Variants in ROBO2 observed in about 807,000 individuals in gnomAD.
The protein encoded by ROBO2 is roundabout guidance receptor 2.
In ROBO2, 53 loss-of-function variants were observed where a neutral mutation model predicts 160.8. That is an observed-to-expected ratio of 0.33 (90% CI 0.26 to 0.41). The LOEUF (loss-of-function observed/expected upper bound fraction) is 0.41. Among genes scored for constraint, ROBO2 ranks in the 10% least tolerant of loss-of-function variants. The pLI is 1.00. For synonymous variants in ROBO2, 664 were observed against 611.7 expected (o/e 1.09, Z -1.26); for missense variants, 1,577 against 1,722.4 (o/e 0.92, Z 1.49).
At chr3:76,277,613 A>G (rs1399435881) in intron 2 of ROBO2, among the ~76,000 whole-genome samples, 1 of 151,964 alleles carries the variant, frequency 6.6e-6, no homozygotes, top group African/African-American at 2.4e-5. Context: ...GCCTTCAGCA[A>G]TTGACTTTGG....
At chr3:76,435,176 C>G (rs1677085904) in intron 2 of ROBO2, 11 of 1,079,798 alleles carry the variant, frequency 1.0e-5, no homozygotes, top group Non-Finnish European at 1.6e-5. Flanking sequence ...TGGAGATAAT[C>G]AACAGTAGGG....
chr3:77,334,442 T>C (rs1357724296), intron 2 of ROBO2, among the ~76,000 whole-genome samples: 1 of 152,248 alleles, frequency 6.6e-6, no homozygotes, highest in South Asian at 2.1e-4. Flanking sequence ...TTTTCTGGCC[T>C]GAAGAGAAAT....
chr3:76,662,789 T>A (rs2091881242), intron 2 of ROBO2, among the ~76,000 whole-genome samples: 1 of 152,022 alleles, frequency 6.6e-6, no homozygotes, highest in Non-Finnish European at 1.5e-5. Context: ...AGGAAAACAG[T>A]ATGGGCACTG....
At chr3:76,528,530 C>A (rs566810224) in intron 2 of ROBO2, among the ~76,000 whole-genome samples, 29 of 151,966 alleles carry the variant, frequency 1.9e-4, no homozygotes, top group Non-Finnish European at 3.8e-4. Flanking sequence ...TAGTTGACAA[C>A]TGAGTTGAGC....
intron 2 of ROBO2, among the ~76,000 whole-genome samples, chr3:76,450,810 T>C (rs2077436243): frequency 6.6e-6 from 1 of 152,204 alleles, no homozygotes; most frequent in Admixed American, 6.6e-5. Context: ...TTTCAGTGCT[T>C]TAAAAATATT....
At chr3:77,049,939 T>C (rs1369517272) in intron 1 of ROBO2, among the ~76,000 whole-genome samples, 4 of 152,188 alleles carry the variant, frequency 2.6e-5, no homozygotes, top group Non-Finnish European at 5.9e-5. Context: ...ATTTTGACTT[T>C]CCAAAAAACT....
chr3:76,178,014 TAAC>T (rs1328887165), intron 2 of ROBO2, among the ~76,000 whole-genome samples: 1 of 152,150 alleles, frequency 6.6e-6, no homozygotes, highest in African/African-American at 2.4e-5. Flanking sequence ...AAGGTCTGCC[TAAC>T]AACAAGCAAC....
intron 2 of ROBO2, among the ~76,000 whole-genome samples, chr3:77,391,890 C>T (rs536922067): frequency 2.0e-4 from 30 of 152,146 alleles, no homozygotes; most frequent in African/African-American, 7.2e-4. Flanking sequence ...AAGTGATGTA[C>T]TTTAGATGGT....
At chr3:76,101,246 T>C (rs1299860283) in intron 2 of ROBO2, among the ~76,000 whole-genome samples, 1 of 152,154 alleles carries the variant, frequency 6.6e-6, no homozygotes, top group Non-Finnish European at 1.5e-5. Flanking sequence ...GGTATAATGT[T>C]AATCAATATT....
chr3:76,030,154 T>TA (rs1274788246), intron 2 of ROBO2, among the ~76,000 whole-genome samples: 1 of 152,268 alleles, frequency 6.6e-6, no homozygotes, highest in Non-Finnish European at 1.5e-5. Context: ...GTTGGCTGAA[T>TA]AAATGTCTTC....
intron 2 of ROBO2, among the ~76,000 whole-genome samples, chr3:77,318,517 T>C (rs569982993): frequency 6.6e-6 from 1 of 152,346 alleles, no homozygotes; most frequent in East Asian, 1.9e-4. Flanking sequence ...ATGTCTGTTC[T>C]GGAATATTAT....
chr3:77,353,655 C>T (rs1350870302), intron 2 of ROBO2, among the ~76,000 whole-genome samples: 1 of 151,920 alleles, frequency 6.6e-6, no homozygotes, highest in Non-Finnish European at 1.5e-5. Context: ...GGACTATAGG[C>T]ATGCACCACC....
At chr3:76,906,577 G>A (rs2075620693) in intron 2 of ROBO2, among the ~76,000 whole-genome samples, 1 of 151,904 alleles carries the variant, frequency 6.6e-6, no homozygotes, top group African/African-American at 2.4e-5. Flanking sequence ...CATTTGATCT[G>A]AAGAATAACA....
chr3:77,613,362 G>A (rs772789371), intron 21 of ROBO2, among the ~76,000 whole-genome samples: 2 of 151,732 alleles, frequency 1.3e-5, no homozygotes, highest in Non-Finnish European at 2.9e-5. Flanking sequence ...GAACATTTTC[G>A]TTCTTTTTTC....
intron 1 of ROBO2, among the ~76,000 whole-genome samples, chr3:77,051,412 C>A (rs919824474): frequency 2.2e-4 from 34 of 152,118 alleles, no homozygotes; most frequent in African/African-American, 8.0e-4. Context: ...TACTCACAAT[C>A]CAACAGACAA....
At chr3:75,946,885 T>A (rs1380411544) in intron 2 of ROBO2, among the ~76,000 whole-genome samples, 8 of 152,060 alleles carry the variant, frequency 5.3e-5, no homozygotes, top group Non-Finnish European at 1.0e-4. Context: ...ATGAGGTTAG[T>A]TACCTCTTAG....
At chr3:77,206,421 G>A (rs1468538774) in intron 2 of ROBO2, among the ~76,000 whole-genome samples, 1 of 151,970 alleles carries the variant, frequency 6.6e-6, no homozygotes, top group Non-Finnish European at 1.5e-5. Flanking sequence ...GCCTGCTGTG[G>A]CCTCCTATAG....
chr3:77,125,611 C>A (rs773894917), intron 2 of ROBO2, among the ~76,000 whole-genome samples: 6 of 151,976 alleles, frequency 3.9e-5, no homozygotes, highest in Non-Finnish European at 8.8e-5. Context: ...CGTGCCTGAT[C>A]AAAAGTGTGA....
chr3:77,015,187 C>G (rs1409337084), intron 2 of ROBO2, among the ~76,000 whole-genome samples: 1 of 152,108 alleles, frequency 6.6e-6, no homozygotes, highest in Non-Finnish European at 1.5e-5. Context: ...ACCAAAAAGG[C>G]CAAAATCAAT....
Sources: allele counts gnomAD v4.1 joint callset (sites outside exome capture counted in the v4.1 genomes callset), GRCh38; gene constraint gnomAD v4.1.1; transcripts MANE v1.5; gene names NCBI Gene and HGNC (gene_info 2026-07-23, HGNC 2026-07-21).